Variants in MS4A6A observed in about 807,000 individuals in gnomAD.
MS4A6A encodes membrane-spanning 4-domains subfamily A member 6A.
MS4A6A carries 19 observed loss-of-function variants against 20.6 expected under a neutral mutation model. The ratio of observed to expected loss-of-function variants is 0.92; its 90% CI spans 0.64 to 1.36. The LOEUF (loss-of-function observed/expected upper bound fraction) is 1.36, where lower values mean the gene tolerates loss of function less well. Ranked by LOEUF, MS4A6A falls within the 40% of genes most tolerant of loss-of-function variation. The pLI is 0.00. For missense variants in MS4A6A, 272 were observed against 261.1 expected (o/e 1.04, Z -0.29); for synonymous variants, 108 against 105.0 (o/e 1.03, Z -0.17).
At chr11:60,172,126 C>T, downstream of MS4A6A, 2 of 1,591,546 alleles carry the variant, frequency 1.3e-6, no homozygotes, top group Non-Finnish European at 1.7e-6. Flanking sequence ...TCATAAGAAT[C>T]AACTTTCTGA....
At chr11:60,182,034 C>A (rs1222726609) in intron 1 of MS4A6A, among the ~76,000 whole-genome samples, 3 of 152,184 alleles carry the variant, frequency 2.0e-5, no homozygotes, top group Non-Finnish European at 4.4e-5. Flanking sequence ...TTGCAATATG[C>A]AACAACCTCC....
chr11:60,179,379 A>G (rs1857007956), intron 3 of MS4A6A: 2 of 353,852 alleles, frequency 5.7e-6, no homozygotes, highest in South Asian at 7.5e-5. Flanking sequence ...CAGTAAAAGT[A>G]TTTTCAAAAT....
intron 3 of MS4A6A, 91 bp downstream of exon 3, chr11:60,179,740 A>G (rs764042874): frequency 6.8e-7 from 1 of 1,476,174 alleles, no homozygotes; most frequent in East Asian, 2.3e-5. Flanking sequence ...TGGCAGATCA[A>G]ACATAGCAAG....
chr11:60,171,876 G>T, downstream of MS4A6A: 1 of 248,640 alleles, frequency 4.0e-6, no homozygotes, highest in Non-Finnish European at 7.8e-6. Context: ...AAATGTTTCT[G>T]GGAATGATCA....
At chr11:60,178,415 C>T in intron 3 of MS4A6A, 99 bp from the exon 4 acceptor site, 1 of 933,304 alleles carries the variant, frequency 1.1e-6, no homozygotes, top group East Asian at 2.4e-5. Context: ...GGGAAAATCC[C>T]TGAGAAACCA....
chr11:60,171,997 T>A (rs368756167), downstream of MS4A6A: 116 of 642,110 alleles, frequency 1.8e-4, no homozygotes, highest in South Asian at 2.9e-3. Flanking sequence ...AGATCCCCAA[T>A]GAACACATAT....
At chr11:60,179,773 T>C (rs764925451) in intron 3 of MS4A6A, 58 bp downstream of exon 3, 71 of 1,598,676 alleles carry the variant, frequency 4.4e-5, no homozygotes, top group Non-Finnish European at 5.9e-5. Context: ...AAGTCTAAGC[T>C]ATTGGCATCT....
intron 2 of MS4A6A, chr11:60,180,494 T>C (rs994131335): frequency 2.6e-5 from 4 of 156,774 alleles, no homozygotes; most frequent in African/African-American, 9.6e-5. Flanking sequence ...AGCTCTTTTA[T>C]TTTTAGCTTT....
chr11:60,172,792 T>A lies in MS4A6A; in HGVS notation c.*209A>T. ...CCCTTCGCTGACAAAATAGGAAGAT[T>A]GAATCAGTTGATTTCTCATGATTAA... On this transcript the variant is annotated 3_prime_UTR_variant, in exon 6 of 6. Transcript: ENST00000528851. The A allele has an allele frequency of 1.5e-6, 2 of 1,340,728 alleles. No homozygotes were observed. Among genetic ancestry groups the A allele is most frequent in the East Asian group, 3.1e-5 (1 of 32,116 alleles). 83.1% of individuals were successfully genotyped at this position (1,340,728 alleles called of 1,614,324 possible).
chr11:60,175,669 T>A (rs1049837124), intron 4 of MS4A6A, 58 bp from the exon 5 acceptor site: 26 of 1,549,414 alleles, frequency 1.7e-5, no homozygotes, highest in Non-Finnish European at 2.1e-5. Context: ...CTGTTATGCA[T>A]CTTTGCCATT....
At chr11:60,178,743 T>G in intron 3 of MS4A6A, 1 of 414,316 alleles carries the variant, frequency 2.4e-6, no homozygotes. Context: ...GTCAGTGACA[T>G]TATGTTGGTA....
rs752306379 is a variant in MS4A6A at position 60,174,987 on chromosome 11, C to A, written c.549+415G>T. On this transcript the variant is annotated intron_variant, in intron 5 of 5. Coordinates refer to ENST00000528851, the MANE Select transcript of MS4A6A (RefSeq NM_022349.4). ...TACTGAATCTGATGTCTTCTCAAAC[C>A]AAATTAACTCCTTACCATGCACACA... 1.2e-4 allele frequency among the ~76,000 whole-genome samples: 19 copies of A among 152,148 alleles called. 1 individual carries two copies. The highest frequency in any genetic ancestry group is 3.9e-4 in the African/African-American group (16 of 41,538).
At chr11:60,173,251 A>C (rs1856674273) in intron 5 of MS4A6A, 122 bp from the exon 6 acceptor site, 1 of 827,714 alleles carries the variant, frequency 1.2e-6, no homozygotes, top group Admixed American at 2.1e-5. Flanking sequence ...AAAGGACACC[A>C]TCAGGAAGAT....
In MS4A6A at chr11:60,173,057, A is replaced by T; in HGVS notation, c.622T>A (p.Trp208Arg). The T allele has an allele frequency of 1.9e-6, 3 of 1,614,110 alleles. No individual in the cohort carries two copies. The highest frequency in any genetic ancestry group is 2.5e-6 in the Non-Finnish European group (3 of 1,179,980). The change falls in exon 6 of 6, where the codon TGG becomes AGG. Residue 208 changes from tryptophan to arginine, a missense_variant. Transcript: ENST00000528851. ...GGGAAGTCAGAGTAAGCCTGTTTCC[A>T]CCGCAGCACAGCAGTGAGCACAGCT... ...CLAVLTAVLR[W>R]KQAYSDFPGV... is the part of the protein sequence containing the mutation.
chr11:60,183,184 C>A, upstream of MS4A6A: 1 of 1,535,780 alleles, frequency 6.5e-7, no homozygotes, highest in Non-Finnish European at 8.7e-7. Flanking sequence ...CTGTAAACTT[C>A]TAGCAACTTC....
At position 60,176,289 on chromosome 11, in the gene MS4A6A, T is replaced by G. The variant is rs532913554; in HGVS notation, c.340-678A>C. 1.4e-4 allele frequency among the ~76,000 whole-genome samples: 22 copies of G among 152,258 alleles called. No individual in the cohort carries two copies. In the East Asian group the frequency reaches 4.3e-3, roughly 29 times the overall value. ...GTGCAGGCCCAAGGATGGTGTAATGTGTGGGAGGCAGCGGGAAGTACAAGA... is the reference window on the plus strand; with the variant it reads ...GTGCAGGCCCAAGGATGGTGTAATGGGTGGGAGGCAGCGGGAAGTACAAGA... On this transcript the variant is annotated intron_variant, in intron 4 of 5. Coordinates refer to ENST00000528851, the MANE Select transcript of MS4A6A (RefSeq NM_022349.4).
chr11:60,174,907 T>C (rs1002175068), intron 5 of MS4A6A, among the ~76,000 whole-genome samples: 3 of 151,432 alleles, frequency 2.0e-5, no homozygotes, highest in Non-Finnish European at 4.4e-5. Context: ...TTGTGATCAT[T>C]AGAAGAAGAA....
chr11:60,181,582 C>G lies in MS4A6A; in HGVS notation c.146G>C (p.Gly49Ala), dbSNP rs1857136248. ...KHLHAEIKVI[G>A]TIQILCGMMV... is the part of the protein sequence containing the mutation. Reference sequence around the variant, plus strand: ...CAACACGTTCTGAATTAGATTTACCCCAATAACTTTGATTTCTGCGTGTAG... The same window carrying G: ...CAACACGTTCTGAATTAGATTTACCGCAATAACTTTGATTTCTGCGTGTAG... The change falls in exon 2 of 6, where the codon GGG becomes GCG. Residue 49 changes from glycine to alanine, a missense_variant and splice_region_variant. By Grantham distance (60) the Gly-to-Ala change is moderately conservative. Coordinates refer to ENST00000528851, the MANE Select transcript of MS4A6A (RefSeq NM_022349.4). 1 of 1,613,996 alleles carries G rather than the reference C, an allele frequency of 6.2e-7. No homozygotes were observed. The highest frequency in any genetic ancestry group is 8.5e-7 in the Non-Finnish European group (1 of 1,179,950).
At chr11:60,180,279 C>G (rs912429036) in intron 2 of MS4A6A, 36 of 361,558 alleles carry the variant, frequency 1.0e-4, no homozygotes, top group African/African-American at 5.8e-4. Context: ...TTTCCCAGCT[C>G]TCAGGACCTC....
Sources: allele counts gnomAD v4.1 joint callset (sites outside exome capture counted in the v4.1 genomes callset), GRCh38; gene constraint gnomAD v4.1.1; transcripts MANE v1.5; gene names NCBI Gene and HGNC (gene_info 2026-07-23, HGNC 2026-07-21).